Variants in ARHGAP39 observed in about 807,000 individuals in gnomAD.
ARHGAP39 encodes Rho GTPase activating protein 39.
In ARHGAP39, 44 loss-of-function variants were observed where a neutral mutation model predicts 106.9. The ratio of observed to expected loss-of-function variants is 0.41; its 90% CI spans 0.32 to 0.53. The LOEUF (loss-of-function observed/expected upper bound fraction) is 0.53, where lower values mean the gene tolerates loss of function less well. Ranked by LOEUF, ARHGAP39 falls within the 20% of genes least tolerant of loss-of-function variation. The probability of loss-of-function intolerance (pLI) is 0.21; values close to 1 mark genes in which losing one functional copy is unlikely to be tolerated. For synonymous variants in ARHGAP39, 768 were observed against 693.2 expected (o/e 1.11, Z -1.69); for missense variants, 1,496 against 1,577.3 (o/e 0.95, Z 0.87).
rs984114435 is a variant in ARHGAP39, at chr8:144,578,164, G to A, written c.512+2682C>T. ...ACAGTGATCAAAACAATGTGGTACT[G>A]GGATATGGATCAATGCAAATCAATT... On this transcript the variant is annotated intron_variant, in intron 3 of 11. Coordinates refer to ENST00000377307, the MANE Select transcript of ARHGAP39 (RefSeq NM_025251.3). Among the ~76,000 whole-genome samples the A allele has an allele frequency of 2.6e-5, 4 of 152,204 alleles. 1 individual carries two copies. Among genetic ancestry groups the A allele is most frequent in the Admixed American group, 2.6e-4 (4 of 15,284 alleles).
intron 2 of ARHGAP39, among the ~76,000 whole-genome samples, chr8:144,589,552 C>T (rs1055466848): frequency 6.6e-6 from 1 of 152,246 alleles, no homozygotes; most frequent in Non-Finnish European, 1.5e-5. Flanking sequence ...CACAGGAGAC[C>T]TCTCCAGCTC....
intron 1 of ARHGAP39, among the ~76,000 whole-genome samples, chr8:144,608,498 G>A (rs1228198584): frequency 1.3e-5 from 2 of 152,174 alleles, no homozygotes; most frequent in Non-Finnish European, 2.9e-5. Flanking sequence ...ACGCCACAGT[G>A]AGTCCAAATG....
chr8:144,601,352 G>C (rs1334321998), intron 2 of ARHGAP39, among the ~76,000 whole-genome samples: 1 of 145,628 alleles, frequency 6.9e-6, no homozygotes, highest in African/African-American at 2.5e-5. Context: ...GTACCTGTGT[G>C]CGTGTGCGAG....
intron 1 of ARHGAP39, among the ~76,000 whole-genome samples, chr8:144,621,853 G>A (rs1453044479): frequency 6.6e-6 from 1 of 152,188 alleles, no homozygotes; most frequent in Non-Finnish European, 1.5e-5. Flanking sequence ...TCATGCTCAT[G>A]TTCTCCTAAG....
At chr8:144,700,075 G>A in the ARHGAP39 span, among the ~76,000 whole-genome samples, 1 of 152,152 alleles carries the variant, frequency 6.6e-6, no homozygotes, top group Admixed American at 6.5e-5. This position sits in a 1 kb window ranked among gnomAD's most constrained non-coding sequence, Gnocchi z 5.6. Flanking sequence ...CCCAACGGCC[G>A]CTCCCCGTTC....
At chr8:144,654,650 G>A (rs1821652286) in intron 1 of ARHGAP39, among the ~76,000 whole-genome samples, 1 of 151,998 alleles carries the variant, frequency 6.6e-6, no homozygotes, top group African/African-American at 2.4e-5. Flanking sequence ...ACAAGCAGGA[G>A]CCCCGCCCCT....
In ARHGAP39 at chr8:144,548,576, T is replaced by A; in HGVS notation, c.597-87A>T. ...CCCCTCGGGGGCTGTAGGCAGCGGC[T>A]CCCGCGAACCCTCTGTTGTACACCT... On this transcript the variant is annotated intron_variant, in intron 4 of 11. Coordinates refer to ENST00000377307, the MANE Select transcript of ARHGAP39 (RefSeq NM_025251.3). The surrounding 1 kb of genome is among the most constrained non-coding windows in gnomAD (Gnocchi z 7.4). The A allele has an allele frequency of 6.7e-7, 1 of 1,483,732 alleles. No homozygotes were observed. The highest frequency in any genetic ancestry group is 2.4e-5 in the East Asian group (1 of 41,584). 91.9% of individuals were successfully genotyped at this position (1,483,732 alleles called of 1,614,324 possible). A position where few individuals can be genotyped will look rare whatever the true frequency, so the allele number is the denominator to read the frequency against.
rs943309694 is a variant in ARHGAP39, at chr8:144,585,903, G to A, written c.81-4626C>T. Reference sequence around the variant, plus strand: ...CCCCCTGGAGCCGGCTCTCCCCGAGGGACAGATGGGGCATCCCTGCACCCC... The same window carrying A: ...CCCCCTGGAGCCGGCTCTCCCCGAGAGACAGATGGGGCATCCCTGCACCCC... On this transcript the variant is annotated intron_variant, in intron 2 of 11. Transcript: ENST00000377307. This position sits in a 1 kb window ranked among gnomAD's most constrained non-coding sequence, Gnocchi z 4.6. Among the ~76,000 whole-genome samples, 1 of 152,192 alleles carries A rather than the reference G, an allele frequency of 6.6e-6. No individual in the cohort carries two copies. The highest frequency in any genetic ancestry group is 1.5e-5 in the Non-Finnish European group (1 of 68,024).
At chr8:144,582,719 G>T (rs1320087970) in intron 2 of ARHGAP39, among the ~76,000 whole-genome samples, 1 of 152,084 alleles carries the variant, frequency 6.6e-6, no homozygotes, top group Non-Finnish European at 1.5e-5. Context: ...CTGGGCCTGA[G>T]TGCAGACACC....
intron 3 of ARHGAP39, among the ~76,000 whole-genome samples, chr8:144,579,124 C>T (rs925360118): frequency 6.7e-6 from 1 of 148,698 alleles, no homozygotes; most frequent in Non-Finnish European, 1.5e-5. Context: ...GTGGTGTGAA[C>T]CCGGGAGGCG....
chr8:144,617,555 T>A (rs1408972254), intron 1 of ARHGAP39, among the ~76,000 whole-genome samples: 2 of 151,336 alleles, frequency 1.3e-5, no homozygotes, highest in African/African-American at 4.9e-5. Flanking sequence ...GAGCCCAGCC[T>A]TGGCCCCAGG....
rs750824171 is a variant in ARHGAP39 at position 144,545,487 on chromosome 8, G to C, written c.2283C>G (p.Ala761=). 6 of 1,603,352 alleles carry C rather than the reference G, an allele frequency of 3.7e-6. No homozygotes were observed. In the African/African-American group the frequency reaches 6.7e-5, roughly 18 times the overall value. The change falls in exon 6 of 12, where the codon GCC becomes GCG. Residue 761 remains alanine (A), a synonymous_variant. Coordinates refer to ENST00000377307, the MANE Select transcript of ARHGAP39 (RefSeq NM_025251.3). The stretch of plus-strand genomic sequence containing the variant: ...CCTCCAGGGCCACGTGCAGTGGGTC[G>C]GCCTTGGCCCGCCGGTCACCCATGT... ...QMYMGDRRAK[A]DPLHVALEVA... is the part of the protein sequence containing the mutation.
intron 3 of ARHGAP39, among the ~76,000 whole-genome samples, chr8:144,579,201 CAAAAAAAAAAAAAAAAA>C: frequency 2.5e-5 from 1 of 39,906 alleles, no homozygotes; most frequent in South Asian, 1.3e-3. Context: ...GACTCTGTCT[CAAAAAAAAAAAAAAAAA>C]AAAAAAAGAA....
At chr8:144,562,266 GCTCCAGTGGTTTCCATCGT>G (rs1564849194) in intron 3 of ARHGAP39, among the ~76,000 whole-genome samples, 10 of 60,972 alleles carry the variant, frequency 1.6e-4, no homozygotes, top group South Asian at 9.4e-4. Flanking sequence ...TTTCCATCGT[GCTCCAGTGGTTTCCATCGT>G]GCTCCAGTGG....
At chr8:144,536,716 A>C (rs912639662) in intron 7 of ARHGAP39, among the ~76,000 whole-genome samples, 7 of 152,178 alleles carry the variant, frequency 4.6e-5, no homozygotes, top group Admixed American at 2.0e-4. Flanking sequence ...CGGAGGTGCC[A>C]GGGTGAGGAC....
intron 1 of ARHGAP39, among the ~76,000 whole-genome samples, chr8:144,631,542 AAG>A (rs1821062799): frequency 6.6e-6 from 1 of 152,192 alleles, no homozygotes; most frequent in Non-Finnish European, 1.5e-5. Context: ...CTTCTCTGTG[AAG>A]AGTCTCTATC....
chr8:144,622,347 T>A, intron 1 of ARHGAP39, among the ~76,000 whole-genome samples: 1 of 151,938 alleles, frequency 6.6e-6, no homozygotes, highest in East Asian at 1.9e-4. Flanking sequence ...CACACCCCCA[T>A]GGCCATGTCA....
intron 3 of ARHGAP39, among the ~76,000 whole-genome samples, chr8:144,565,350 G>C (rs1333942022): frequency 2.0e-5 from 3 of 152,056 alleles, no homozygotes; most frequent in Non-Finnish European, 2.9e-5. Flanking sequence ...CAACAGAAAT[G>C]ATCCAAAATT....
chr8:144,660,205 T>C (rs1198620872), intron 1 of ARHGAP39, among the ~76,000 whole-genome samples: 2 of 152,320 alleles, frequency 1.3e-5, no homozygotes, highest in Admixed American at 6.5e-5. Context: ...CCAGGGCACC[T>C]TGGCGTCAGC....
Sources: allele counts gnomAD v4.1 joint callset (sites outside exome capture counted in the v4.1 genomes callset), GRCh38; gene constraint gnomAD v4.1.1; non-coding constraint Gnocchi (gnomAD v3.1); transcripts MANE v1.5; gene names NCBI Gene and HGNC (gene_info 2026-07-23, HGNC 2026-07-21).